The following MYOM1 variants were observed in gnomAD, a reference collection of about 807,000 sequenced individuals.
The protein encoded by MYOM1 is myomesin 1.
In MYOM1, 164 loss-of-function variants were observed where a neutral mutation model predicts 205.3. The observed-to-expected ratio is 0.80, with a 90% CI of 0.70 to 0.91. The LOEUF is 0.91. MYOM1 is among the 40% of genes least tolerant of loss of function. The probability of loss-of-function intolerance (pLI) is 0.00; values close to 1 mark genes in which losing one functional copy is unlikely to be tolerated. For synonymous variants in MYOM1, 772 were observed against 789.4 expected, an observed-to-expected ratio of 0.98 and a Z score of 0.37; for missense variants, 2,011 against 2,127.3, an observed-to-expected ratio of 0.95 and a Z score of 1.08.
chr18:3,203,500 G>C (rs2081091867), intron 2 of MYOM1, among the ~76,000 whole-genome samples: 1 of 151,726 alleles, frequency 6.6e-6, no homozygotes, highest in Non-Finnish European at 1.5e-5. Context: ...TAATGTAGAT[G>C]CCTTTATGCC....
At chr18:3,245,397 G>A in the MYOM1 span, among the ~76,000 whole-genome samples, 14 of 152,134 alleles carry the variant, frequency 9.2e-5, no homozygotes, top group South Asian at 2.1e-4. Context: ...CAGAATTCAA[G>A]TCTCCAAACT....
chr18:3,067,152 C>T lies in MYOM1; in HGVS notation c.*110G>A. ...AGTGAAAGACCTGACATTATTTTCC[C>T]CTCAAGCCAGAAAATAATAGGGAGG... On this transcript the variant is annotated 3_prime_UTR_variant, in exon 38 of 38. Coordinates refer to ENST00000356443, the MANE Select transcript of MYOM1 (RefSeq NM_003803.4). The T allele has an allele frequency of 8.2e-7, 1 of 1,226,312 alleles. No homozygotes were observed. The highest frequency in any genetic ancestry group is 1.1e-6 in the Non-Finnish European group (1 of 896,662). The allele number at this position is 1,226,312 out of a possible 1,614,324, so 76.0% of individuals were successfully genotyped here.
the MYOM1 span, among the ~76,000 whole-genome samples, chr18:3,241,614 G>C: frequency 1.3e-5 from 2 of 152,216 alleles, no homozygotes; most frequent in East Asian, 3.8e-4. Context: ...GGAAATGTGG[G>C]GTGGGAGACC....
intron 10 of MYOM1, among the ~76,000 whole-genome samples, chr18:3,160,034 T>C (rs1404972471): frequency 6.7e-6 from 1 of 149,206 alleles, no homozygotes; most frequent in African/African-American, 2.5e-5. Context: ...CCTTCTCCTC[T>C]TCCTCCTCCT....
Position 3,067,319 on chromosome 18 carries a change from C to G in MYOM1, c.5001G>C (p.Glu1667Asp). The change falls in exon 38 of 38, where the codon GAG becomes GAC. Residue 1667 changes from glutamate (E) to aspartate (D), a missense_variant. Transcript: ENST00000356443. The stretch of plus-strand genomic sequence containing the variant: ...CCAAGGCGGCCATCCTCGCCTCCTC[C>G]TCTGGGATGAACACGCTGACGGTGA... ...SDFTVSVFIP[E>D]EEARMAALES... is the part of the protein sequence containing the mutation. 1 of 1,611,834 alleles carries G rather than the reference C, an allele frequency of 6.2e-7. No individual in the cohort carries two copies. The highest frequency in any genetic ancestry group is 8.5e-7 in the Non-Finnish European group (1 of 1,179,748).
Position 3,067,265 on chromosome 18 carries a change from C to T in MYOM1, c.5055G>A (p.Lys1685=). Residue 1685 remains lysine (K), a synonymous_variant, in exon 38 of 38, where the codon AAG becomes AAA. Transcript: ENST00000356443. ...CTGGCTCTCCTCGCACCTCCGGTCA[C>T]TTGGCCTTCTTGCCACCTTTCAGGG... ...LESLKGGKKA[K] is the part of the protein sequence containing the mutation. The T allele has an allele frequency of 6.3e-7, 1 of 1,596,652 alleles. No homozygotes were observed. The highest frequency in any genetic ancestry group is 1.1e-5 in the South Asian group (1 of 88,740).
rs201618512 is a variant in MYOM1, at chr18:3,134,651, G to C, written c.2383C>G (p.Arg795Gly). 9.1e-5 allele frequency: 147 copies of C among 1,610,404 alleles called. No individual in the cohort carries two copies. Among genetic ancestry groups the C allele is most frequent in the Non-Finnish European group, 1.2e-4 (142 of 1,177,304 alleles). The change falls in exon 16 of 38, where the codon CGA (arginine) becomes GGA (glycine). Residue 795 changes from arginine (R) to glycine (G), a missense_variant and splice_region_variant. Physicochemically the swap from Arg to Gly is moderately radical, Grantham distance 125. Transcript: ENST00000356443. ...PCNNNPVKGS[R>G]FTCHGLVTGQ... Reference sequence around the variant, plus strand: ...GCCCTGCACACCCGACTGAGTTACCGTGAGCCCTTCACGGGGTTGTTGTTA... The same window carrying C: ...GCCCTGCACACCCGACTGAGTTACCCTGAGCCCTTCACGGGGTTGTTGTTA...
intron 33 of MYOM1, among the ~76,000 whole-genome samples, chr18:3,079,646 G>A (rs542674280): frequency 6.6e-6 from 1 of 151,130 alleles, no homozygotes; most frequent in South Asian, 2.1e-4. Flanking sequence ...TTTTTGTTTG[G>A]GTTTATTTGT....
At chr18:3,162,199 C>G (rs1421447337) in intron 10 of MYOM1, among the ~76,000 whole-genome samples, 2 of 152,148 alleles carry the variant, frequency 1.3e-5, no homozygotes, top group Non-Finnish European at 2.9e-5. Flanking sequence ...CTTCCTGAGG[C>G]GAGCCAATTC....
At chr18:3,090,004 A>T (rs999510513) in intron 27 of MYOM1, among the ~76,000 whole-genome samples, 1 of 151,548 alleles carries the variant, frequency 6.6e-6, no homozygotes, top group Non-Finnish European at 1.5e-5. Context: ...TACACGTGGC[A>T]AAACAGTCTC....
chr18:3,184,656 CGTTT>C (rs1169467632), intron 5 of MYOM1, among the ~76,000 whole-genome samples: 3 of 152,126 alleles, frequency 2.0e-5, no homozygotes, highest in Admixed American at 6.5e-5. Context: ...CCTTGTTGTT[CGTTT>C]GTTTTAATAT....
At chr18:3,114,058 G>C (rs1439408593) in intron 21 of MYOM1, among the ~76,000 whole-genome samples, 1 of 152,200 alleles carries the variant, frequency 6.6e-6, no homozygotes. Flanking sequence ...TAAATGTATA[G>C]AGCCTGACAT....
chr18:3,216,998 A>G (rs1349102665), intron 1 of MYOM1: 1 of 152,236 alleles, frequency 6.6e-6, no homozygotes, highest in African/African-American at 2.4e-5. Flanking sequence ...ATAGGAAAAG[A>G]AAACCAAGAT....
At chr18:3,155,163 G>C in intron 10 of MYOM1, 75 bp from the exon 11 acceptor site, 2 of 1,402,862 alleles carry the variant, frequency 1.4e-6, no homozygotes, top group Non-Finnish European at 1.9e-6. Context: ...CAGCGCACAC[G>C]CTTCTTACCA....
rs2080235050 is a variant in MYOM1 at position 3,152,415 on chromosome 18, A to C, written c.1644-522T>G. Among the ~76,000 whole-genome samples, 1 of 152,194 alleles carries C rather than the reference A, an allele frequency of 6.6e-6. No individual in the cohort carries two copies. Among genetic ancestry groups the C allele is most frequent in the Admixed American group, 6.5e-5 (1 of 15,284 alleles). On this transcript the variant is annotated intron_variant, in intron 11 of 37. Coordinates refer to ENST00000356443, the MANE Select transcript of MYOM1 (RefSeq NM_003803.4). The surrounding 1 kb of genome is among the most constrained non-coding windows in gnomAD (Gnocchi z 4.3). ...GGTCATTCCATCCTGTGTAGAGGGT[A>C]AGAAGGTTATTGTGAAGATGTTTGT...
At chr18:3,102,239 C>G (rs577648828) in intron 23 of MYOM1, among the ~76,000 whole-genome samples, 1 of 152,018 alleles carries the variant, frequency 6.6e-6, no homozygotes, top group African/African-American at 2.4e-5. Context: ...CTCCTGACCT[C>G]GTGATCCACC....
chr18:3,117,844 C>T (rs73373143), intron 20 of MYOM1, among the ~76,000 whole-genome samples: 3 of 152,212 alleles, frequency 2.0e-5, no homozygotes, highest in East Asian at 3.9e-4. Context: ...TACAAATATG[C>T]GTCATGCTTG....
At chr18:3,146,332 C>T (rs2080122568) in intron 13 of MYOM1, among the ~76,000 whole-genome samples, 1 of 152,034 alleles carries the variant, frequency 6.6e-6, no homozygotes, top group Admixed American at 6.6e-5. Context: ...TGAATATAGA[C>T]ACAAAAATTC....
intron 3 of MYOM1, among the ~76,000 whole-genome samples, chr18:3,193,375 C>CACACACACACACAT (rs1466040030): frequency 7.1e-6 from 1 of 141,236 alleles, no homozygotes; most frequent in Non-Finnish European, 1.5e-5. Flanking sequence ...CACACACACA[C>CACACACACACACAT]ACACACAATA....
Sources: gnomAD v4.1 joint callset for allele counts (sites outside exome capture counted in the v4.1 genomes callset) on GRCh38, gnomAD v4.1.1 for gene constraint, Gnocchi (gnomAD v3.1) non-coding constraint, MANE v1.5 for transcripts, NCBI Gene and HGNC (gene_info 2026-07-23, HGNC 2026-07-21) for gene names.